Variants in ZCCHC7 observed in about 807,000 individuals in gnomAD.
ZCCHC7 encodes zinc finger CCHC domain-containing protein 7.
Under a neutral mutation model 52.0 loss-of-function variants are expected in ZCCHC7, and 35 were observed. The ratio of observed to expected loss-of-function variants is 0.67; its 90% confidence interval spans 0.51 to 0.89. The LOEUF is 0.89. Among genes scored for constraint, ZCCHC7 ranks in the 40% least tolerant of loss-of-function variants. ZCCHC7 has a pLI of 0.00. For synonymous variants in ZCCHC7, 217 were observed against 221.5 expected, an observed-to-expected ratio of 0.98 and a Z score of 0.18; for missense variants, 574 against 649.1, an observed-to-expected ratio of 0.88 and a Z score of 1.26.
chr9:37,306,057 A>G (rs1374315101), intron 5 of ZCCHC7, among the ~76,000 whole-genome samples: 1 of 151,682 alleles, frequency 6.6e-6, no homozygotes, highest in Non-Finnish European at 1.5e-5. Flanking sequence ...TTGTGTATTC[A>G]TATTTATTTA....
intron 2 of ZCCHC7, among the ~76,000 whole-genome samples, chr9:37,213,277 T>C (rs1824335543): frequency 6.6e-6 from 1 of 152,162 alleles, no homozygotes; most frequent in Non-Finnish European, 1.5e-5. Flanking sequence ...CAACCTGACC[T>C]GGATAGTGTT....
intron 2 of ZCCHC7, among the ~76,000 whole-genome samples, chr9:37,228,066 G>A (rs1241061435): frequency 6.6e-6 from 1 of 152,012 alleles, no homozygotes; most frequent in Admixed American, 6.6e-5. Context: ...CAAAGTGCTG[G>A]GATTACAGGC....
chr9:37,327,012 G>C (rs1450656816), intron 5 of ZCCHC7: 1 of 152,016 alleles, frequency 6.6e-6, no homozygotes, highest in African/African-American at 2.4e-5. Context: ...TAGAAAAAGT[G>C]TCCTTAACAA....
intron 5 of ZCCHC7, among the ~76,000 whole-genome samples, chr9:37,317,527 C>T (rs531438867): frequency 7.6e-4 from 115 of 152,254 alleles, no homozygotes; most frequent in Non-Finnish European, 1.4e-3. Flanking sequence ...GCCCAGGCAA[C>T]ATGGTGAGAG....
intron 5 of ZCCHC7, chr9:37,327,295 TTC>T (rs1408010462): frequency 6.6e-6 from 1 of 151,954 alleles, no homozygotes; most frequent in Non-Finnish European, 1.5e-5. Flanking sequence ...TTGTTTTTAA[TTC>T]TCTTTCTTAT....
intron 2 of ZCCHC7, among the ~76,000 whole-genome samples, chr9:37,180,050 A>T (rs1822264454): frequency 6.6e-6 from 1 of 151,964 alleles, no homozygotes; most frequent in Non-Finnish European, 1.5e-5. Context: ...CAAAATGGTT[A>T]TTTTTTTTCC....
At chr9:37,194,137 C>G (rs1007409667) in intron 2 of ZCCHC7, among the ~76,000 whole-genome samples, 1 of 152,082 alleles carries the variant, frequency 6.6e-6, no homozygotes, top group African/African-American at 2.4e-5. Context: ...ATATTGAAGA[C>G]AAACTCTAAA....
At chr9:37,285,384 T>A (rs552789340) in intron 2 of ZCCHC7, among the ~76,000 whole-genome samples, 2 of 152,298 alleles carry the variant, frequency 1.3e-5, no homozygotes, top group South Asian at 2.1e-4. Flanking sequence ...GATGGTATTT[T>A]CGAAATTATT....
At chr9:37,184,756 C>T (rs1449788643) in intron 2 of ZCCHC7, among the ~76,000 whole-genome samples, 2 of 152,100 alleles carry the variant, frequency 1.3e-5, no homozygotes, top group Non-Finnish European at 2.9e-5. Context: ...TTTGCTCAGG[C>T]ATACTTCTTA....
chr9:37,223,651 T>A (rs145708669), intron 2 of ZCCHC7, among the ~76,000 whole-genome samples: 33 of 152,252 alleles, frequency 2.2e-4, no homozygotes, highest in Admixed American at 7.8e-4. Flanking sequence ...TTACGTTTTA[T>A]ATATTTTACC....
At chr9:37,165,739 CTT>C (rs1221527154) in intron 2 of ZCCHC7, among the ~76,000 whole-genome samples, 6 of 152,166 alleles carry the variant, frequency 3.9e-5, no homozygotes, top group African/African-American at 9.7e-5. Context: ...TAAACACACT[CTT>C]TGAGGCTGAA....
intron 2 of ZCCHC7, among the ~76,000 whole-genome samples, chr9:37,200,024 C>T (rs546938234): frequency 4.6e-5 from 7 of 152,182 alleles, no homozygotes; most frequent in Admixed American, 2.6e-4. Context: ...TTTCTTACCG[C>T]GCTCTGCTCC....
At chr9:37,198,050 C>G (rs1272663986) in intron 2 of ZCCHC7, among the ~76,000 whole-genome samples, 1 of 152,216 alleles carries the variant, frequency 6.6e-6, no homozygotes, top group African/African-American at 2.4e-5. Context: ...TTCCTCATAA[C>G]AAAGCCTAAG....
chr9:37,333,207 G>T (rs1241982774), intron 6 of ZCCHC7, among the ~76,000 whole-genome samples: 1 of 151,648 alleles, frequency 6.6e-6, no homozygotes, highest in African/African-American at 2.4e-5. Context: ...GCAATGAGAA[G>T]TATGCAGCCT....
chr9:37,243,403 A>G (rs1054563460), intron 2 of ZCCHC7, among the ~76,000 whole-genome samples: 1 of 151,836 alleles, frequency 6.6e-6, no homozygotes, highest in Non-Finnish European at 1.5e-5. Flanking sequence ...ATTGCCGGCT[A>G]CAAGTGCTTT....
chr9:37,228,200 C>G (rs1423580070), intron 2 of ZCCHC7, among the ~76,000 whole-genome samples: 1 of 152,090 alleles, frequency 6.6e-6, no homozygotes, highest in Non-Finnish European at 1.5e-5. Context: ...AATGACAAAT[C>G]AGATCAGTGG....
At chr9:37,209,181 C>A (rs1824078232) in intron 2 of ZCCHC7, among the ~76,000 whole-genome samples, 2 of 152,082 alleles carry the variant, frequency 1.3e-5, no homozygotes. Flanking sequence ...GCTGGGACTA[C>A]AGGCGCCCAC....
chr9:37,129,225 A>T (rs1446445192), intron 2 of ZCCHC7, among the ~76,000 whole-genome samples: 1 of 152,238 alleles, frequency 6.6e-6, no homozygotes, highest in Non-Finnish European at 1.5e-5. Context: ...TGGGAAAAAC[A>T]TGAATTAGGT....
intron 2 of ZCCHC7, among the ~76,000 whole-genome samples, chr9:37,155,793 T>G (rs1274133948): frequency 6.6e-6 from 1 of 152,256 alleles, no homozygotes; most frequent in Non-Finnish European, 1.5e-5. Flanking sequence ...TAGCAGCCGG[T>G]AATGGTTAAG....
Sources: allele counts gnomAD v4.1 joint callset (sites outside exome capture counted in the v4.1 genomes callset), GRCh38; gene constraint gnomAD v4.1.1; transcripts MANE v1.5; gene names NCBI Gene and HGNC (gene_info 2026-07-23, HGNC 2026-07-21).